The following ABCC6 variants were observed in gnomAD, a reference collection of about 807,000 sequenced individuals.
ABCC6 encodes ATP binding cassette subfamily C member 6, also known as ATP-binding cassette sub-family C member 6.
ABCC6 carries 126 observed loss-of-function variants against 169.5 expected under a neutral mutation model. The observed-to-expected ratio is 0.74, with a 90% CI of 0.64 to 0.86. ABCC6 has a LOEUF of 0.86. Ranked by LOEUF, ABCC6 falls within the 40% of genes least tolerant of loss-of-function variation. ABCC6 has a pLI of 0.00. For missense variants in ABCC6, 1,733 were observed against 1,927.2 expected, an observed-to-expected ratio of 0.90 and a Z score of 1.89; for synonymous variants, 752 against 814.7, an observed-to-expected ratio of 0.92 and a Z score of 1.31.
chr16:16,150,210 C>G lies in ABCC6; in HGVS notation c.4435G>C (p.Glu1479Gln). The change falls in exon 31 of 31, where the codon GAG (glutamate) becomes CAG (glutamine). Residue 1479 changes from glutamate to glutamine, a missense_variant. Transcript: ENST00000205557. ...VLVMDKGQVA[E>Q]SGSPAQLLAQ... is the part of the protein sequence containing the mutation. Reference sequence around the variant, plus strand: ...AGCAGCTGGGCCGGGCTGCCGCTCTCTGCCACCTGCCCCTTGTCCATGACC... The same window carrying G: ...AGCAGCTGGGCCGGGCTGCCGCTCTGTGCCACCTGCCCCTTGTCCATGACC... The G allele has an allele frequency of 1.2e-6, 2 of 1,614,062 alleles. No homozygotes were observed. The highest frequency in any genetic ancestry group is 1.7e-6 in the Non-Finnish European group (2 of 1,180,038).
rs777202577 is a variant in ABCC6 at position 16,173,401 on chromosome 16, G to A, written c.2670C>T (p.Ser890=). Residue 890 remains serine, a synonymous_variant, in exon 21 of 31, where the codon TCC becomes TCT. Coordinates refer to ENST00000205557, the MANE Select transcript of ABCC6 (RefSeq NM_001171.6). ...GRRPELRRER[S]IKSVPEKDRT... is the part of the protein sequence containing the mutation. ...GGTCCTTCTCAGGGACTGACTTGAT[G>A]GACCTGTCATTTAGAGGAAATGAAG... 1.2e-6 allele frequency: 2 copies of A among 1,613,942 alleles called. No homozygotes were observed. Among genetic ancestry groups the A allele is most frequent in the African/African-American group, 2.7e-5 (2 of 74,892 alleles).
At position 16,187,124 on chromosome 16, in the gene ABCC6, C is replaced by G; in HGVS notation, c.1867G>C (p.Ala623Pro). 6.2e-7 allele frequency: 1 copy of G among 1,612,918 alleles called. No individual in the cohort carries two copies. The highest frequency in any genetic ancestry group is 8.5e-7 in the Non-Finnish European group (1 of 1,179,292). The change falls in exon 14 of 31, where the codon GCT (alanine) becomes CCT (proline). Residue 623 changes from alanine to proline, a missense_variant and splice_region_variant. By Grantham distance (27) the Ala-to-Pro change is conservative. Coordinates refer to ENST00000205557, the MANE Select transcript of ABCC6 (RefSeq NM_001171.6). Reference protein sequence around the residue: ...GVVDSSSSGSAAGKDCITIHS... With the variant: ...GVVDSSSSGSPAGKDCITIHS... ...CCCTCCTGCCAGACTCAGCACTCAC[C>G]GCTTCCAGAGGAACTTGAGTCTACG...
At position 16,157,743 on chromosome 16, in the gene ABCC6, G is replaced by A. The variant is rs368379895; in HGVS notation, c.3802C>T (p.Arg1268Trp). ...GGTCGGTATCTTAGCCCAAAGTCCCGGAACTCGATCTGCCCGCCCTGAGGC... is the reference window on the plus strand; with the variant it reads ...GGTCGGTATCTTAGCCCAAAGTCCCAGAACTCGATCTGCCCGCCCTGAGGC... The part of the protein sequence containing the change: ...PWPQGGQIEF[R>W]DFGLRYRPEL... Residue 1268 changes from arginine to tryptophan, a missense_variant, in exon 27 of 31, where the codon CGG becomes TGG. By Grantham distance (101) the Arg-to-Trp change is moderately radical. Around this residue, in one of 5 missense-constraint regions of ABCC6, gnomAD observed 1,601 missense variants for 1,635.5 expected, o/e 0.98. Coordinates refer to ENST00000205557, the MANE Select transcript of ABCC6 (RefSeq NM_001171.6). 108 of 1,613,788 alleles carry A rather than the reference G, an allele frequency of 6.7e-5. No homozygotes were observed. The highest frequency in any genetic ancestry group is 2.8e-4 in the Admixed American group (17 of 59,988).
rs1215518535 is a variant in ABCC6 at position 16,154,718 on chromosome 16, G to T, written c.4118C>A (p.Ala1373Glu). 1 of 1,613,540 alleles carries T rather than the reference G, an allele frequency of 6.2e-7. No individual in the cohort carries two copies. The highest frequency in any genetic ancestry group is 8.5e-7 in the Non-Finnish European group (1 of 1,179,876). The change falls in exon 29 of 31, where the codon GCA becomes GAA. Residue 1373 changes from alanine to glutamate, a missense_variant. Transcript: ENST00000205557. ...TTTGAGCTGCACCGTCTCCAGGGCT[G>T]CCCAGATAGCCTCGTCCGAGTGCTC... is the stretch of plus-strand genomic sequence containing the variant. ...LQEHSDEAIW[A>E]ALETVQLKAL...
intron 18 of ABCC6, among the ~76,000 whole-genome samples, chr16:16,177,922 G>A (rs1044498430): frequency 3.3e-5 from 5 of 151,470 alleles, no homozygotes; most frequent in African/African-American, 1.2e-4. Flanking sequence ...CATCCTGGGT[G>A]ACAGAGCAAG....
In ABCC6 at chr16:16,173,349, C is replaced by A. The variant is rs758666711; in HGVS notation, c.2722G>T (p.Val908Phe). ...DRTTSEAQTE[V>F]PLDDPDRAGW... The stretch of plus-strand genomic sequence containing the variant: ...GCCCTGTCAGGGTCATCCAGAGGAA[C>A]CTCTGTCTGGGCTTCTGAAGTGGTA... The change falls in exon 21 of 31, where the codon GTT (valine) becomes TTT (phenylalanine). Residue 908 changes from valine (V) to phenylalanine (F), a missense_variant. By Grantham distance (50) the Val-to-Phe change is conservative (BLOSUM62 -1). Around this residue, in one of 5 missense-constraint regions of ABCC6, gnomAD observed 1,601 missense variants for 1,635.5 expected, o/e 0.98. Coordinates refer to ENST00000205557, the MANE Select transcript of ABCC6 (RefSeq NM_001171.6). 1 of 1,614,092 alleles carries A rather than the reference C, an allele frequency of 6.2e-7. No individual in the cohort carries two copies. The highest frequency in any genetic ancestry group is 1.1e-5 in the South Asian group (1 of 91,080).
chr16:16,180,009 T>C (rs1053184776), intron 17 of ABCC6, among the ~76,000 whole-genome samples: 1 of 152,226 alleles, frequency 6.6e-6, no homozygotes, highest in African/African-American at 2.4e-5. Flanking sequence ...TGGGAGGCAG[T>C]GACAGATCAT....
chr16:16,171,969 T>TGGGATGGATAAATGAGTGGGG (rs2047098084), intron 21 of ABCC6, among the ~76,000 whole-genome samples: 1 of 41,010 alleles, frequency 2.4e-5, no homozygotes, highest in Non-Finnish European at 4.9e-5. Flanking sequence ...GTTGGGTGGG[T>TGGGATGGATAAATGAGTGGGG]GGGATGGATA....
intron 5 of ABCC6, among the ~76,000 whole-genome samples, chr16:16,213,602 C>T (rs549304011): frequency 1.3e-5 from 2 of 149,130 alleles, no homozygotes; most frequent in African/African-American, 5.0e-5. Flanking sequence ...CTCTTGTTGC[C>T]CAGGCTGGAG....
intron 13 of ABCC6, among the ~76,000 whole-genome samples, chr16:16,188,543 G>A (rs564602616): frequency 6.6e-6 from 1 of 152,272 alleles, no homozygotes; most frequent in East Asian, 1.9e-4. Context: ...TGACATGATT[G>A]CTTGTATGTG....
intron 15 of ABCC6, among the ~76,000 whole-genome samples, chr16:16,184,716 G>A (rs954264711): frequency 6.6e-6 from 1 of 152,058 alleles, no homozygotes; most frequent in Admixed American, 6.5e-5. Flanking sequence ...CCCCCTAATG[G>A]GGGAGGCTCA....
At chr16:16,182,702 G>A in intron 16 of ABCC6, 102 bp downstream of exon 16, 1 of 1,580,692 alleles carries the variant, frequency 6.3e-7, no homozygotes, top group Non-Finnish European at 8.6e-7. Context: ...GAGAGAATGA[G>A]TGAAAGTGAA....
chr16:16,190,689 T>A (rs1404967317), intron 11 of ABCC6, among the ~76,000 whole-genome samples: 1 of 151,194 alleles, frequency 6.6e-6, no homozygotes, highest in Non-Finnish European at 1.5e-5. Flanking sequence ...CTACGTCTTT[T>A]TTTTTTTTTA....
rs145859960 is a variant in ABCC6 at position 16,158,989 on chromosome 16, T to C, written c.3735+493A>G. Among the ~76,000 whole-genome samples the C allele has an allele frequency of 8.8e-3, 1,346 of 152,300 alleles. 11 individuals carry two copies. The highest frequency in any genetic ancestry group is 0.036 in the South Asian group (175 of 4,824). Reference sequence around the variant, plus strand: ...TTACGTTACTATTACATTGCTATGTTGTGGTTGTATTGCTGGAATGTTGCC... The same window carrying C: ...TTACGTTACTATTACATTGCTATGTCGTGGTTGTATTGCTGGAATGTTGCC... On this transcript the variant is annotated intron_variant, in intron 26 of 30. Transcript: ENST00000205557.
chr16:16,166,044 G>T, intron 22 of ABCC6, 111 bp from the exon 23 acceptor site: 1 of 1,090,170 alleles, frequency 9.2e-7, no homozygotes, highest in South Asian at 1.4e-5. Flanking sequence ...TTATGGCTTG[G>T]CCACCCTGAT....
chr16:16,161,990 A>G (rs1437828288), intron 24 of ABCC6, among the ~76,000 whole-genome samples: 1 of 152,066 alleles, frequency 6.6e-6, no homozygotes, highest in African/African-American at 2.4e-5. Context: ...TGTTCTCGAG[A>G]TAGTGAGTTC....
intron 19 of ABCC6, 54 bp downstream of exon 19, chr16:16,177,397 TC>T (rs1450997709): frequency 2.3e-5 from 37 of 1,604,788 alleles, no homozygotes; most frequent in Non-Finnish European, 3.2e-5. Flanking sequence ...TCGAGCCTTT[TC>T]CCCCAAGGGT....
At chr16:16,181,053 C>T (rs1415823516) in intron 17 of ABCC6, among the ~76,000 whole-genome samples, 1 of 152,102 alleles carries the variant, frequency 6.6e-6, no homozygotes, top group Non-Finnish European at 1.5e-5. Context: ...CCTGTAATCC[C>T]AGCACTTTGG....
At chr16:16,159,944 G>A (rs189317294) in intron 25 of ABCC6, among the ~76,000 whole-genome samples, 200 of 152,176 alleles carry the variant, frequency 1.3e-3, no homozygotes, top group African/African-American at 4.2e-3. Flanking sequence ...TTCTCGCAGC[G>A]ACTGGGTGGC....
Sources: allele counts gnomAD v4.1 joint callset (sites outside exome capture counted in the v4.1 genomes callset), GRCh38; gene constraint gnomAD v4.1.1; regional missense constraint gnomAD v4.1.1; transcripts MANE v1.5; gene names NCBI Gene and HGNC (gene_info 2026-07-23, HGNC 2026-07-21).